Variants in ANK2 observed in about 807,000 individuals in gnomAD.
The protein encoded by ANK2 is ankyrin 2.
Under a neutral mutation model 360.5 loss-of-function variants are expected in ANK2, and 83 were observed. The ratio of observed to expected loss-of-function variants is 0.23; its 90% CI spans 0.19 to 0.28. The LOEUF is 0.28. Ranked by LOEUF, ANK2 falls within the 10% of genes least tolerant of loss-of-function variation. The pLI is 1.00. For synonymous variants in ANK2, 1,740 were observed against 1,759.5 expected (o/e 0.99, Z 0.28); for missense variants, 4,201 against 4,795.7 (o/e 0.88, Z 3.66).
At chr4:113,039,938 T>C (rs1579732924) in intron 2 of ANK2, among the ~76,000 whole-genome samples, 1 of 152,136 alleles carries the variant, frequency 6.6e-6, no homozygotes, top group African/African-American at 2.4e-5. Context: ...GCCCGGAGTT[T>C]TTCTTTTGTT....
Position 113,330,265 on chromosome 4 carries a change from G to A in ANK2, c.2920G>A (p.Val974Met), listed in dbSNP as rs775719326. The change falls in exon 27 of 46, where the codon GTG becomes ATG. Residue 974 changes from valine (V) to methionine (M), a missense_variant. Coordinates refer to ENST00000357077, the MANE Select transcript of ANK2 (RefSeq NM_001148.6). ...IHSGFLVSFM[V>M]DARGGAMRGC... is the part of the protein sequence containing the mutation. ...TTTTAGTTTCCTGGTTAGTTTTATGGTGGATGCCCGAGGTGGTGCTATGCG... is the reference window on the plus strand; with the variant it reads ...TTTTAGTTTCCTGGTTAGTTTTATGATGGATGCCCGAGGTGGTGCTATGCG... The A allele has an allele frequency of 6.2e-7, 1 of 1,614,116 alleles. No homozygotes were observed. Among genetic ancestry groups the A allele is most frequent in the Non-Finnish European group, 8.5e-7 (1 of 1,179,994 alleles).
At chr4:112,878,487 C>T (rs1212607214) in intron 1 of ANK2, among the ~76,000 whole-genome samples, 2 of 151,928 alleles carry the variant, frequency 1.3e-5, no homozygotes, top group African/African-American at 4.8e-5. Flanking sequence ...CCACCACGCC[C>T]AGTTAATTTT....
chr4:113,257,276 C>T (rs1168332162), intron 11 of ANK2, among the ~76,000 whole-genome samples: 2 of 152,178 alleles, frequency 1.3e-5, no homozygotes, highest in Non-Finnish European at 2.9e-5. Context: ...ACATATTTTA[C>T]TTAATTTGCC....
intron 1 of ANK2, among the ~76,000 whole-genome samples, chr4:112,873,627 C>T (rs1260948731): frequency 4.6e-5 from 7 of 150,934 alleles, no homozygotes; most frequent in Non-Finnish European, 1.0e-4. Context: ...AGCTCCGCCT[C>T]CCGGGTTCAC....
intron 25 of ANK2, 65 bp downstream of exon 25, chr4:113,317,874 G>C (rs2083755256): frequency 6.7e-6 from 9 of 1,338,114 alleles, no homozygotes; most frequent in African/African-American, 1.4e-5. Flanking sequence ...TTGGATGCTA[G>C]AAATGTCCTG....
chr4:113,041,123 C>T (rs1161165669), intron 2 of ANK2, among the ~76,000 whole-genome samples: 1 of 152,072 alleles, frequency 6.6e-6, no homozygotes, highest in Non-Finnish European at 1.5e-5. Flanking sequence ...CCATTCGCTG[C>T]TTAGTTCCCA....
At chr4:112,741,740 G>A in the ANK2 span, among the ~76,000 whole-genome samples, 1 of 152,000 alleles carries the variant, frequency 6.6e-6, no homozygotes, top group Non-Finnish European at 1.5e-5. Context: ...TAGCTACTGG[G>A]GTGGCTGAAG....
At chr4:112,770,174 C>T in the ANK2 span, among the ~76,000 whole-genome samples, 2 of 152,166 alleles carry the variant, frequency 1.3e-5, no homozygotes, top group Non-Finnish European at 2.9e-5. Flanking sequence ...AGTTCTACAT[C>T]GAATCACAAT....
rs148354791 is a variant in ANK2 at position 113,311,154 on chromosome 4, G to A, written c.2549-101G>A. On this transcript the variant is annotated intron_variant, in intron 23 of 45. Transcript: ENST00000357077. ...TAGTGTGCAGTGCAGTTTCATCAAG[G>A]TCAAGGTAATGATGTTGATGCATTT... is the stretch of plus-strand genomic sequence containing the variant. 1.2e-3 allele frequency: 1,771 copies of A among 1,478,404 alleles called. 20 individuals are homozygous for A. In the African/African-American group the frequency reaches 0.022, roughly 18 times the overall value. The allele number at this position is 1,478,404 out of a possible 1,614,324, so 91.6% of individuals were successfully genotyped here.
the ANK2 span, among the ~76,000 whole-genome samples, chr4:112,809,272 T>C: frequency 6.7e-6 from 1 of 148,618 alleles, no homozygotes; most frequent in African/African-American, 2.5e-5. Flanking sequence ...TAGAAATAAA[T>C]AAATAAGGGC....
chr4:112,977,552 T>C (rs777573204), intron 2 of ANK2, among the ~76,000 whole-genome samples: 1 of 151,576 alleles, frequency 6.6e-6, no homozygotes, highest in Non-Finnish European at 1.5e-5. Context: ...TAAAAAAAAT[T>C]TTATTTATTT....
At chr4:112,712,629 G>A in the ANK2 span, among the ~76,000 whole-genome samples, 21 of 150,444 alleles carry the variant, frequency 1.4e-4, no homozygotes, top group African/African-American at 3.2e-4. Context: ...GGATGGTCTC[G>A]ATCTTCTGAC....
At chr4:112,742,145 G>A in the ANK2 span, among the ~76,000 whole-genome samples, 5 of 152,022 alleles carry the variant, frequency 3.3e-5, no homozygotes, top group African/African-American at 4.8e-5. Flanking sequence ...AGCTGGGCAG[G>A]GTGGCATGTA....
intron 2 of ANK2, among the ~76,000 whole-genome samples, chr4:112,950,452 G>A (rs2094873356): frequency 6.6e-6 from 1 of 151,582 alleles, no homozygotes; most frequent in African/African-American, 2.4e-5. Context: ...AGACCATCCT[G>A]GCTAACACAG....
At chr4:113,203,392 CTT>C (rs1187455673) in intron 4 of ANK2, among the ~76,000 whole-genome samples, 4 of 151,574 alleles carry the variant, frequency 2.6e-5, no homozygotes, top group Admixed American at 2.6e-4. Flanking sequence ...TTGTAGCACT[CTT>C]TGTTGACATT....
intron 24 of ANK2, among the ~76,000 whole-genome samples, chr4:113,315,779 GTCCCAGCT>G (rs1478454097): frequency 6.6e-6 from 1 of 151,320 alleles, no homozygotes; most frequent in Non-Finnish European, 1.5e-5. Flanking sequence ...GGCGCCTGTA[GTCCCAGCT>G]ACTCGGGAGG....
At chr4:113,302,139 C>G (rs939609449) in intron 22 of ANK2, among the ~76,000 whole-genome samples, 4 of 152,158 alleles carry the variant, frequency 2.6e-5, no homozygotes, top group African/African-American at 9.7e-5. Flanking sequence ...CAGCTAGACT[C>G]AGATCCTTGT....
chr4:113,217,393 A>G (rs1302799095), intron 4 of ANK2, among the ~76,000 whole-genome samples: 1 of 152,004 alleles, frequency 6.6e-6, no homozygotes, highest in Admixed American at 6.6e-5. Flanking sequence ...TATTTTAACC[A>G]TATATATATA....
intron 45 of ANK2, among the ~76,000 whole-genome samples, chr4:113,375,711 C>T (rs549686892): frequency 9.3e-5 from 13 of 139,898 alleles, no homozygotes; most frequent in East Asian, 4.3e-4. Context: ...GGCAACAGAG[C>T]GAGAATTCGT....
Sources: allele counts gnomAD v4.1 joint callset (sites outside exome capture counted in the v4.1 genomes callset), GRCh38; gene constraint gnomAD v4.1.1; transcripts MANE v1.5; gene names NCBI Gene and HGNC (gene_info 2026-07-23, HGNC 2026-07-21).